NXPE2: variants seen among roughly 807,000 people sequenced by gnomAD.
NXPE2 encodes neurexophilin and PC-esterase domain family member 2.
In NXPE2, 34 loss-of-function variants were observed where a neutral mutation model predicts 34.4. The observed-to-expected ratio is 0.99, with a 90% CI of 0.75 to 1.31. The LOEUF is 1.31. Ranked by LOEUF, NXPE2 falls within the 40% of genes most tolerant of loss-of-function variation. The pLI, the probability that NXPE2 is intolerant of heterozygous loss-of-function variation, is 0.00. For synonymous variants in NXPE2, 235 were observed against 231.3 expected (o/e 1.02, Z -0.15); for missense variants, 649 against 672.5 (o/e 0.97, Z 0.39).
chr11:114,709,932 C>T (rs1218648168), downstream of NXPE2, among the ~76,000 whole-genome samples: 4 of 151,238 alleles, frequency 2.6e-5, no homozygotes, highest in South Asian at 2.1e-4. Flanking sequence ...AAAAAGAAAT[C>T]GATAGCCGAA....
the NXPE2 span, among the ~76,000 whole-genome samples, chr11:114,633,299 G>A: frequency 7.3e-6 from 1 of 136,532 alleles, no homozygotes; most frequent in African/African-American, 2.7e-5. Flanking sequence ...AAATTCTAAT[G>A]TAATAAAATA....
chr11:114,515,651 T>C, the NXPE2 span, among the ~76,000 whole-genome samples: 5 of 152,318 alleles, frequency 3.3e-5, no homozygotes, highest in Non-Finnish European at 5.9e-5. Flanking sequence ...TATTTTTGTT[T>C]ACTGAATCTG....
chr11:114,630,460 G>T, the NXPE2 span, among the ~76,000 whole-genome samples: 1 of 151,540 alleles, frequency 6.6e-6, no homozygotes, highest in Non-Finnish European at 1.5e-5. Context: ...TGGGAAAACT[G>T]GCTAGCCATA....
At chr11:114,489,129 G>A in the NXPE2 span, among the ~76,000 whole-genome samples, 4 of 152,144 alleles carry the variant, frequency 2.6e-5, no homozygotes, top group South Asian at 2.1e-4. Flanking sequence ...TAAATTCCTC[G>A]ACACATACAC....
the NXPE2 span, among the ~76,000 whole-genome samples, chr11:114,627,737 G>C: frequency 6.6e-6 from 1 of 152,160 alleles, no homozygotes; most frequent in East Asian, 1.9e-4. Context: ...ATTGGTTAAA[G>C]AGTCAAGACC....
At chr11:114,751,695 C>T in the NXPE2 span, among the ~76,000 whole-genome samples, 1 of 152,170 alleles carries the variant, frequency 6.6e-6, no homozygotes, top group Non-Finnish European at 1.5e-5. Flanking sequence ...TGTCCATATC[C>T]TAATCCCTGG....
the NXPE2 span, among the ~76,000 whole-genome samples, chr11:114,651,661 T>A: frequency 1.3e-5 from 2 of 152,142 alleles, no homozygotes; most frequent in African/African-American, 4.8e-5. Flanking sequence ...GATTGGTCCG[T>A]TTTACAGAGA....
At chr11:114,603,259 C>T in the NXPE2 span, among the ~76,000 whole-genome samples, 142 of 151,240 alleles carry the variant, frequency 9.4e-4, no homozygotes, top group African/African-American at 3.3e-3. Flanking sequence ...TAGGTAACTC[C>T]TATTTCCTGG....
chr11:114,566,354 T>C, the NXPE2 span, among the ~76,000 whole-genome samples: 1 of 151,598 alleles, frequency 6.6e-6, no homozygotes, highest in African/African-American at 2.4e-5. Flanking sequence ...CAAAGGAAAA[T>C]GGGAAGGAGT....
At chr11:114,580,089 G>A in the NXPE2 span, 3 of 1,494,356 alleles carry the variant, frequency 2.0e-6, no homozygotes, top group African/African-American at 2.8e-5. Flanking sequence ...TGGAAAAGAA[G>A]TTTCTGAAAG....
intron 2 of NXPE2, among the ~76,000 whole-genome samples, chr11:114,681,640 TA>T (rs1484222346): frequency 6.6e-6 from 1 of 152,164 alleles, no homozygotes; most frequent in Non-Finnish European, 1.5e-5. Context: ...GCATTCCCCT[TA>T]CTCTGTTTGA....
At chr11:114,543,526 A>G in the NXPE2 span, among the ~76,000 whole-genome samples, 5 of 152,034 alleles carry the variant, frequency 3.3e-5, no homozygotes, top group Non-Finnish European at 7.4e-5. Flanking sequence ...GTTTAAAAAA[A>G]AAAAAAATCT....
chr11:114,766,093 G>A, the NXPE2 span, among the ~76,000 whole-genome samples: 1 of 152,166 alleles, frequency 6.6e-6, no homozygotes, highest in Admixed American at 6.5e-5. Flanking sequence ...AATCTTATCG[G>A]ATCTTCTGAT....
the NXPE2 span, among the ~76,000 whole-genome samples, chr11:114,470,389 A>AAATAGG: frequency 3.3e-5 from 5 of 152,172 alleles, no homozygotes; most frequent in African/African-American, 1.2e-4. Flanking sequence ...TTAGACATTT[A>AAATAGG]AATAGGTGTA....
intron 2 of NXPE2, among the ~76,000 whole-genome samples, chr11:114,686,593 C>A (rs1291558031): frequency 6.6e-6 from 1 of 152,078 alleles, no homozygotes; most frequent in Non-Finnish European, 1.5e-5. Context: ...GAACAAATGT[C>A]TTTTTGGTAG....
the NXPE2 span, among the ~76,000 whole-genome samples, chr11:114,754,724 TG>T: frequency 3.3e-5 from 5 of 152,130 alleles, no homozygotes; most frequent in South Asian, 1.0e-3. Context: ...GGGGTATAAC[TG>T]GTACATATGC....
chr11:114,596,694 A>T, the NXPE2 span, among the ~76,000 whole-genome samples: 1 of 152,216 alleles, frequency 6.6e-6, no homozygotes, highest in Non-Finnish European at 1.5e-5. Flanking sequence ...AGGAGCCTAT[A>T]ATAAGAAAAA....
At chr11:114,514,146 T>C in the NXPE2 span, among the ~76,000 whole-genome samples, 3 of 152,226 alleles carry the variant, frequency 2.0e-5, no homozygotes, top group Admixed American at 6.5e-5. Context: ...TAATGATGTA[T>C]TTTGAATGTC....
chr11:114,656,719 T>G, the NXPE2 span, among the ~76,000 whole-genome samples: 2 of 152,130 alleles, frequency 1.3e-5, no homozygotes, highest in African/African-American at 4.8e-5. Flanking sequence ...AATCATGAAA[T>G]TAATTATATG....
Sources: allele counts gnomAD v4.1 joint callset (sites outside exome capture counted in the v4.1 genomes callset), GRCh38; gene constraint gnomAD v4.1.1; transcripts MANE v1.5; gene names NCBI Gene and HGNC (gene_info 2026-07-23, HGNC 2026-07-21).